FAM13C: variants seen among roughly 807,000 people sequenced by gnomAD.
FAM13C encodes protein FAM13C.
Under a neutral mutation model 73.2 loss-of-function variants are expected in FAM13C, and 37 were observed. That is an observed-to-expected ratio of 0.51 (90% CI 0.39 to 0.67). The LOEUF is 0.67. FAM13C is among the 30% of genes least tolerant of loss of function. FAM13C has a pLI of 0.00. For synonymous variants in FAM13C, 246 were observed against 260.9 expected (o/e 0.94, Z 0.55); for missense variants, 589 against 715.6 (o/e 0.82, Z 2.02).
At chr10:59,270,240 T>A in intron 6 of FAM13C, 131 bp from the exon 7 acceptor site, 1 of 853,894 alleles carries the variant, frequency 1.2e-6, no homozygotes, top group African/African-American at 1.7e-5. Context: ...TCTGGGGATA[T>A]GAAAAGCTTT....
chr10:59,274,252 C>T (rs1844066233), intron 6 of FAM13C, among the ~76,000 whole-genome samples: 1 of 152,136 alleles, frequency 6.6e-6, no homozygotes, highest in South Asian at 2.1e-4. Context: ...TTAGGTATGT[C>T]ACATTTGAGT....
chr10:59,268,826 T>C, intron 7 of FAM13C, 135 bp from the exon 8 acceptor site: 1 of 995,194 alleles, frequency 1.0e-6, no homozygotes, highest in East Asian at 2.6e-5. Flanking sequence ...GAGGCCACCA[T>C]GGTAGCATCT....
chr10:59,270,899 A>G (rs567602792), intron 6 of FAM13C, among the ~76,000 whole-genome samples: 18 of 152,288 alleles, frequency 1.2e-4, no homozygotes, highest in Non-Finnish European at 2.2e-4. Context: ...CCGGCTAGCC[A>G]TCTCTGTCCC....
At chr10:59,268,815 TGAGGCCACC>T (rs1843377341) in intron 7 of FAM13C, 124 bp from the exon 8 acceptor site, 4 of 1,141,484 alleles carry the variant, frequency 3.5e-6, no homozygotes, top group Non-Finnish European at 4.8e-6. Flanking sequence ...CATTATTTGA[TGAGGCCACC>T]ATGGTAGCAT....
At position 59,264,067 on chromosome 10, in the gene FAM13C, T is replaced by A. The variant is rs368817959; in HGVS notation, c.1024+18A>T. 6.2e-7 allele frequency: 1 copy of A among 1,610,058 alleles called. No individual in the cohort carries two copies. The highest frequency in any genetic ancestry group is 1.7e-5 in the Admixed American group (1 of 59,968). ...CTGCTTCCTTTGTGAGGAAAAAAGA[T>A]CTTTGGCTGGGATTTACCTTTGAGC... On this transcript the variant is annotated intron_variant, in intron 9 of 13. Coordinates refer to ENST00000618804, the MANE Select transcript of FAM13C (RefSeq NM_198215.4).
intron 3 of FAM13C, among the ~76,000 whole-genome samples, chr10:59,341,599 G>C (rs1337064962): frequency 6.6e-6 from 1 of 152,176 alleles, no homozygotes; most frequent in Non-Finnish European, 1.5e-5. Context: ...TGAGGCAGGA[G>C]AATCGCTTGA....
intron 9 of FAM13C, among the ~76,000 whole-genome samples, chr10:59,263,643 C>A (rs572390456): frequency 6.6e-6 from 1 of 152,158 alleles, no homozygotes; most frequent in Non-Finnish European, 1.5e-5. Flanking sequence ...CTAGCCCACA[C>A]GGCAGGAGAA....
intron 3 of FAM13C, among the ~76,000 whole-genome samples, chr10:59,344,152 TG>T (rs1448144468): frequency 6.7e-6 from 1 of 149,310 alleles, no homozygotes; most frequent in African/African-American, 2.5e-5. Flanking sequence ...TTAGTAGAGA[TG>T]GGGTTTCACC....
At chr10:59,361,239 AGTCTGCTC>A in intron 1 of FAM13C, 1 of 484,446 alleles carries the variant, frequency 2.1e-6, no homozygotes, top group Non-Finnish European at 3.4e-6. Context: ...ACTCCACTTA[AGTCTGCTC>A]AAAACTGGAC....
At position 59,259,714 on chromosome 10, in the gene FAM13C, G is replaced by T. The variant is rs1218905920; in HGVS notation, c.1236+2720C>A. Among the ~76,000 whole-genome samples the T allele has an allele frequency of 2.0e-5, 3 of 152,236 alleles. No homozygotes were observed. In the East Asian group the frequency reaches 5.8e-4, roughly 29 times the overall value. On this transcript the variant is annotated intron_variant, in intron 10 of 13. Transcript: ENST00000618804. ...CTGACACTTATTAAACAAAATAATAGATACTTCATTAAAAATAATAGAAAT... is the reference window on the plus strand; with the variant it reads ...CTGACACTTATTAAACAAAATAATATATACTTCATTAAAAATAATAGAAAT...
intron 5 of FAM13C, among the ~76,000 whole-genome samples, chr10:59,293,676 A>G (rs73300135): frequency 6.6e-6 from 1 of 152,274 alleles, no homozygotes; most frequent in African/African-American, 2.4e-5. Flanking sequence ...AGAAGGCCAA[A>G]AATGTCCTAA....
intron 3 of FAM13C, among the ~76,000 whole-genome samples, chr10:59,326,828 G>C (rs1851215376): frequency 6.6e-6 from 1 of 152,114 alleles, no homozygotes; most frequent in South Asian, 2.1e-4. Context: ...TCTGCCCTAG[G>C]TGAGTTCCTG....
intron 3 of FAM13C, among the ~76,000 whole-genome samples, chr10:59,342,462 A>T (rs1853639354): frequency 6.6e-6 from 1 of 152,104 alleles, no homozygotes; most frequent in African/African-American, 2.4e-5. Flanking sequence ...CATGCCATTC[A>T]TTTTTGATAG....
At chr10:59,265,311 A>ACGGGGGG (rs1554811239) in intron 8 of FAM13C, among the ~76,000 whole-genome samples, 1 of 8,326 alleles carries the variant, frequency 1.2e-4, no homozygotes, top group African/African-American at 6.3e-4. Flanking sequence ...GGGATAGGGA[A>ACGGGGGG]GGGGTTTTGG....
chr10:59,276,038 T>A (rs1470023195), intron 6 of FAM13C, among the ~76,000 whole-genome samples: 1 of 152,154 alleles, frequency 6.6e-6, no homozygotes, highest in Non-Finnish European at 1.5e-5. Flanking sequence ...ACATAAAAAT[T>A]ATTAATAGTA....
rs1474736838 is a variant in FAM13C at position 59,360,856 on chromosome 10, A to G, written c.62+1543T>C. Among the ~76,000 whole-genome samples the G allele has an allele frequency of 1.5e-3, 174 of 115,130 alleles. 1 individual carries two copies. Among genetic ancestry groups the G allele is most frequent in the African/African-American group, 8.4e-3 (170 of 20,264 alleles). The allele number at this position is 115,130 out of a possible 152,430, so 75.5% of individuals were successfully genotyped here. On this transcript the variant is annotated intron_variant, in intron 1 of 13. Coordinates refer to ENST00000618804, the MANE Select transcript of FAM13C (RefSeq NM_198215.4). The stretch of plus-strand genomic sequence containing the variant: ...ATTTAACCACGAAACCTCTACAGAA[A>G]AAAAAAAAAAAAAAAAAAAAAAAGT...
chr10:59,285,242 CCATTT>C (rs1487790955), intron 5 of FAM13C, among the ~76,000 whole-genome samples: 2 of 152,130 alleles, frequency 1.3e-5, no homozygotes, highest in Non-Finnish European at 2.9e-5. Flanking sequence ...TGGGACTGGG[CCATTT>C]TTTTGGCTTC....
intron 4 of FAM13C, 75 bp from the exon 5 acceptor site, chr10:59,302,939 C>T (rs1171480922): frequency 7.3e-7 from 1 of 1,375,648 alleles, no homozygotes; most frequent in East Asian, 2.3e-5. Context: ...CTGGTGGCTA[C>T]AAATCTGGCT....
intron 5 of FAM13C, among the ~76,000 whole-genome samples, chr10:59,288,303 C>T (rs1845829106): frequency 6.6e-6 from 1 of 152,130 alleles, no homozygotes; most frequent in African/African-American, 2.4e-5. Flanking sequence ...ACCAGCCTAG[C>T]CAACATGGTG....
Sources: allele counts gnomAD v4.1 joint callset (sites outside exome capture counted in the v4.1 genomes callset), GRCh38; gene constraint gnomAD v4.1.1; transcripts MANE v1.5; gene names NCBI Gene and HGNC (gene_info 2026-07-23, HGNC 2026-07-21).